Variants in JADE2 observed in about 807,000 individuals in gnomAD.
JADE2 encodes the protein E3 ubiquitin-protein ligase Jade-2.
Under a neutral mutation model 85.7 loss-of-function variants are expected in JADE2, and 13 were observed. The observed-to-expected ratio is 0.15, with a 90% CI of 0.10 to 0.24. JADE2 has a LOEUF of 0.24. Ranked by LOEUF, JADE2 falls within the 10% of genes least tolerant of loss-of-function variation. JADE2 has a pLI of 1.00. For missense variants in JADE2, 846 were observed against 1,115.9 expected (o/e 0.76, Z 3.45); for synonymous variants, 440 against 456.1 (o/e 0.96, Z 0.45).
chr5:134,525,804 G>A lies in JADE2; in HGVS notation c.-208G>A. The A allele has an allele frequency of 5.9e-6, 6 of 1,023,042 alleles. No individual in the cohort carries two copies. Among genetic ancestry groups the A allele is most frequent in the Non-Finnish European group, 5.9e-6 (5 of 850,852 alleles). The allele number at this position is 1,023,042 out of a possible 1,614,324, so 63.4% of individuals were successfully genotyped here. A position where few individuals can be genotyped will look rare whatever the true frequency, so the allele number is the denominator to read the frequency against. ...CTAGCGGCACCGGCTTAGGTCCTGC[G>A]GGCCGACCGTCCCCGGCGGGGGGCG... On this transcript the variant is annotated 5_prime_UTR_variant, in exon 1 of 12. Coordinates refer to ENST00000681547, the MANE Select transcript of JADE2 (RefSeq NM_001388185.1).
In JADE2 at chr5:134,566,122, A is replaced by G. The variant is rs1175474431; in HGVS notation, c.976A>G (p.Met326Val). 1.9e-6 allele frequency: 3 copies of G among 1,612,180 alleles called. No homozygotes were observed. The highest frequency in any genetic ancestry group is 1.7e-5 in the Admixed American group (1 of 59,920). ...ECTGTCIQCS[M>V]PSCVTAFHVT... ...GCCCCTCCTTTCCCCTCAGTGTTCCATGCCTTCCTGCGTCACAGCGTTCCA... is the reference window on the plus strand; with the variant it reads ...GCCCCTCCTTTCCCCTCAGTGTTCCGTGCCTTCCTGCGTCACAGCGTTCCA... Residue 326 changes from methionine (M) to valine (V), a missense_variant, in exon 9 of 12, where the codon ATG (methionine) becomes GTG (valine). By Grantham distance (21) the Met-to-Val change is conservative. Transcript: ENST00000681547. This position sits in a 1 kb window ranked among gnomAD's most constrained non-coding sequence, Gnocchi z 6.7.
upstream of JADE2, among the ~76,000 whole-genome samples, chr5:134,524,626 C>T (rs950345224): frequency 9.9e-5 from 15 of 152,172 alleles, no homozygotes; most frequent in Non-Finnish European, 1.9e-4. Context: ...GGATGTGCAA[C>T]CACCCACCCA....
chr5:134,566,484 C>T lies in JADE2; in HGVS notation c.1338C>T (p.Pro446=), dbSNP rs1249478646. 6.2e-7 allele frequency: 1 copy of T among 1,612,646 alleles called. No homozygotes were observed. The highest frequency in any genetic ancestry group is 1.7e-5 in the Admixed American group (1 of 59,814). ...KANANQPLLT[P]KTDEVDNLAQ... ...ATGCCAACCAGCCGCTGCTGACCCCCAAGACCGACGAGGTGGACAACCTGG... is the reference window on the plus strand; with the variant it reads ...ATGCCAACCAGCCGCTGCTGACCCCTAAGACCGACGAGGTGGACAACCTGG... The change falls in exon 9 of 12, where the codon CCC becomes CCT. Residue 446 remains proline (P), a synonymous_variant. Coordinates refer to ENST00000681547, the MANE Select transcript of JADE2 (RefSeq NM_001388185.1). This position sits in a 1 kb window ranked among gnomAD's most constrained non-coding sequence, Gnocchi z 6.7.
chr5:134,539,329 C>G (rs1375118211), intron 3 of JADE2, among the ~76,000 whole-genome samples: 2 of 151,842 alleles, frequency 1.3e-5, no homozygotes, highest in Non-Finnish European at 2.9e-5. Context: ...TCCCAAAGTG[C>G]TGGGATTACA....
chr5:134,552,676 T>TTTTTTTA (rs1414874390), intron 4 of JADE2, among the ~76,000 whole-genome samples: 3 of 152,224 alleles, frequency 2.0e-5, no homozygotes, highest in Non-Finnish European at 2.9e-5. Flanking sequence ...TTTTTCTTTC[T>TTTTTTTA]TTTTTTATTT....
chr5:134,535,877 A>T lies in JADE2; in HGVS notation c.20A>T (p.Lys7Ile), dbSNP rs199859649. 110 of 1,613,894 alleles carry T rather than the reference A, an allele frequency of 6.8e-5. No homozygotes were observed. The highest frequency in any genetic ancestry group is 8.8e-5 in the Non-Finnish European group (104 of 1,179,904). ...TTGCAGATGGAAGAGAAGAGGCGAA[A>T]ATACTCCATCAGCAGTGACAACTCT... MEEKRR[K>I]YSISSDNSDT... The change falls in exon 2 of 12, where the codon AAA (lysine) becomes ATA (isoleucine). Residue 7 changes from lysine to isoleucine, a missense_variant. Lys to Ile is a moderately radical substitution (Grantham distance 102). This residue lies in a region of JADE2 where 47 missense variants were observed against 42.2 expected (regional missense o/e 1.11). Transcript: ENST00000681547.
chr5:134,576,965 G>A lies in JADE2; in HGVS notation c.1681+69G>A, dbSNP rs1375450341. The A allele has an allele frequency of 4.1e-6, 6 of 1,474,794 alleles. No homozygotes were observed. The South Asian group carries it at 4.2e-5, about 10-fold the overall frequency. 91.4% of individuals were successfully genotyped at this position (1,474,794 alleles called of 1,614,324 possible). A position where few individuals can be genotyped will look rare whatever the true frequency, so the allele number is the denominator to read the frequency against. ...CATCACCACGCTTGCAGCTCTGTCT[G>A]CCCTGCGGAAGGCCAGCTGCACAGA... On this transcript the variant is annotated intron_variant, in intron 11 of 11. Coordinates refer to ENST00000681547, the MANE Select transcript of JADE2 (RefSeq NM_001388185.1).
intron 5 of JADE2, 129 bp downstream of exon 5, chr5:134,560,119 ATTACT>A: frequency 9.7e-6 from 10 of 1,030,738 alleles, no homozygotes; most frequent in Non-Finnish European, 1.3e-5. Context: ...TCCATACTGC[ATTACT>A]GAATGGGGAC....
chr5:134,527,173 C>T (rs1406246410), intron 1 of JADE2, among the ~76,000 whole-genome samples: 1 of 151,880 alleles, frequency 6.6e-6, no homozygotes, highest in Non-Finnish European at 1.5e-5. Context: ...GCCCCGCCCC[C>T]GGCAGTGGCA....
chr5:134,565,338 G>A (rs762037685), intron 8 of JADE2, among the ~76,000 whole-genome samples: 1 of 152,218 alleles, frequency 6.6e-6, no homozygotes, highest in Admixed American at 6.5e-5. Flanking sequence ...AGTTGGGTGC[G>A]TGATTGCTGA....
chr5:134,527,640 TCCGGCTCCTCCTC>T (rs1474771895), intron 1 of JADE2, among the ~76,000 whole-genome samples: 1 of 149,172 alleles, frequency 6.7e-6, no homozygotes, highest in Non-Finnish European at 1.5e-5. Context: ...CGCAGCCTCC[TCCGGCTCCTCCTC>T]CCGGCTCCGG....
At chr5:134,569,312 A>G (rs999552879) in intron 9 of JADE2, among the ~76,000 whole-genome samples, 8 of 152,182 alleles carry the variant, frequency 5.3e-5, no homozygotes, top group African/African-American at 1.9e-4. Context: ...GCATCCTCCC[A>G]GATTGATTCG....
intron 1 of JADE2, among the ~76,000 whole-genome samples, chr5:134,531,485 C>G (rs915001498): frequency 2.6e-5 from 4 of 151,996 alleles, no homozygotes; most frequent in Admixed American, 1.3e-4. Context: ...CTGTGTTGCC[C>G]GGGCTTGCCT....
chr5:134,577,105 C>T, intron 11 of JADE2: 1 of 580,910 alleles, frequency 1.7e-6, no homozygotes, highest in Non-Finnish European at 2.9e-6. Context: ...TGGGAAATGC[C>T]CCGTCTGTAG....
chr5:134,559,767 G>C, intron 4 of JADE2, 63 bp from the exon 5 acceptor site: 1 of 1,538,988 alleles, frequency 6.5e-7, no homozygotes, highest in East Asian at 2.3e-5. Flanking sequence ...TCAGCTCCCT[G>C]GAGCCCCTAT....
chr5:134,546,280 C>T (rs765739488), intron 3 of JADE2, among the ~76,000 whole-genome samples: 2 of 152,056 alleles, frequency 1.3e-5, no homozygotes, highest in Admixed American at 6.6e-5. Flanking sequence ...GCAGTCCTCC[C>T]GCTTGAGCCC....
intron 3 of JADE2, among the ~76,000 whole-genome samples, chr5:134,549,940 G>A (rs1010652563): frequency 3.3e-5 from 5 of 152,216 alleles, no homozygotes; most frequent in African/African-American, 1.2e-4. Context: ...GGGCCCACAG[G>A]GAAATAACCC....
At position 134,579,790 on chromosome 5, in the gene JADE2, A is replaced by G. The variant is rs1206773278; in HGVS notation, c.*473A>G. On this transcript the variant is annotated 3_prime_UTR_variant, in exon 12 of 12. Transcript: ENST00000681547. The surrounding 1 kb of genome is among the most constrained non-coding windows in gnomAD (Gnocchi z 4.6). ...CTCCACCGATCCCCAAGGAAGTATAATAAACGATACCCAGCCAGAGTCTAC... is the reference window on the plus strand; with the variant it reads ...CTCCACCGATCCCCAAGGAAGTATAGTAAACGATACCCAGCCAGAGTCTAC... 6.2e-6 allele frequency: 1 copy of G among 160,822 alleles called. No individual in the cohort carries two copies. Among genetic ancestry groups the G allele is most frequent in the Non-Finnish European group, 1.4e-5 (1 of 73,294 alleles). The allele number at this position is 160,822 out of a possible 1,614,324, so 10.0% of individuals were successfully genotyped here. A position where few individuals can be genotyped will look rare whatever the true frequency, so the allele number is the denominator to read the frequency against.
intron 2 of JADE2, among the ~76,000 whole-genome samples, chr5:134,536,426 C>A (rs1761590128): frequency 6.6e-6 from 1 of 151,998 alleles, no homozygotes; most frequent in Admixed American, 6.6e-5. Context: ...ATGAAGATAC[C>A]CAACCTTCAT....
Sources: gnomAD v4.1 joint callset for allele counts (sites outside exome capture counted in the v4.1 genomes callset) on GRCh38, gnomAD v4.1.1 for gene constraint, gnomAD v4.1.1 regional missense constraint, Gnocchi (gnomAD v3.1) non-coding constraint, MANE v1.5 for transcripts, NCBI Gene and HGNC (gene_info 2026-07-23, HGNC 2026-07-21) for gene names.